The following SLC28A1 variants were observed in gnomAD, a reference collection of about 807,000 sequenced individuals.
SLC28A1 encodes the protein sodium/nucleoside cotransporter 1.
Under a neutral mutation model 74.8 loss-of-function variants are expected in SLC28A1, and 64 were observed. The observed-to-expected ratio is 0.86, with a 90% confidence interval of 0.70 to 1.05. The LOEUF is 1.05. SLC28A1 is among the 50% of genes least tolerant of loss of function. The pLI is 0.00. For missense variants in SLC28A1, 828 were observed against 822.8 expected (o/e 1.01, Z -0.08); for synonymous variants, 359 against 335.0 (o/e 1.07, Z -0.78).
intron 11 of SLC28A1, among the ~76,000 whole-genome samples, chr15:84,922,524 C>A (rs554446128): frequency 6.6e-6 from 1 of 152,166 alleles, no homozygotes; most frequent in Non-Finnish European, 1.5e-5. Flanking sequence ...TACAACCCCC[C>A]GCTGCCCGGG....
At chr15:84,955,740 C>A in the SLC28A1 span, among the ~76,000 whole-genome samples, 1 of 152,198 alleles carries the variant, frequency 6.6e-6, no homozygotes. Context: ...AGGATAGAAT[C>A]TGAAAACATA....
chr15:84,921,738 T>C (rs983077943), intron 11 of SLC28A1, among the ~76,000 whole-genome samples: 10 of 152,218 alleles, frequency 6.6e-5, no homozygotes, highest in Non-Finnish European at 1.5e-5. Context: ...GCATGTGTGT[T>C]GATTTGAAAG....
chr15:84,971,123 C>A, the SLC28A1 span, among the ~76,000 whole-genome samples: 1 of 152,194 alleles, frequency 6.6e-6, no homozygotes, highest in Non-Finnish European at 1.5e-5. Context: ...ACAGTAGCAA[C>A]CCCTATCAGG....
chr15:84,959,099 C>CAAAA, the SLC28A1 span, among the ~76,000 whole-genome samples: 3 of 47,068 alleles, frequency 6.4e-5, no homozygotes, highest in African/African-American at 2.6e-4. Flanking sequence ...GGCTTCATCT[C>CAAAA]AAAAAAAAAA....
chr15:84,938,322 T>G (rs1406777371), intron 15 of SLC28A1: 2 of 1,968 alleles, frequency 1.0e-3, no homozygotes, highest in Non-Finnish European at 8.2e-4. Context: ...TTCCTGTTCT[T>G]TTTTTTTCTT....
intron 10 of SLC28A1, 102 bp from the exon 11 acceptor site, chr15:84,920,887 C>T: frequency 1.1e-6 from 1 of 898,146 alleles, no homozygotes; most frequent in South Asian, 1.3e-5. Context: ...CTACACTGGG[C>T]TGGGAGTTGG....
At chr15:84,921,558 C>T (rs1969835393) in intron 11 of SLC28A1, among the ~76,000 whole-genome samples, 1 of 152,180 alleles carries the variant, frequency 6.6e-6, no homozygotes, top group Non-Finnish European at 1.5e-5. Flanking sequence ...GAGTCCCTTT[C>T]AGAAAGCCTG....
intron 4 of SLC28A1, among the ~76,000 whole-genome samples, chr15:84,889,628 T>TTTTTC (rs1237431956): frequency 4.0e-5 from 6 of 151,696 alleles, no homozygotes; most frequent in Non-Finnish European, 7.4e-5. Flanking sequence ...GCCATCCATG[T>TTTTTC]TTTTCTTTTC....
intron 8 of SLC28A1, among the ~76,000 whole-genome samples, chr15:84,907,567 G>A (rs531500597): frequency 6.6e-5 from 10 of 152,172 alleles, no homozygotes; most frequent in East Asian, 1.9e-4. Context: ...GTGCAGTGGC[G>A]TGATCTTAGC....
At chr15:84,897,421 CAA>C (rs972226891) in intron 6 of SLC28A1, among the ~76,000 whole-genome samples, 12 of 151,680 alleles carry the variant, frequency 7.9e-5, no homozygotes, top group Admixed American at 2.6e-4. Flanking sequence ...AACAAACAAA[CAA>C]AAATACACTT....
chr15:84,896,744 G>A (rs1355613451), intron 6 of SLC28A1, among the ~76,000 whole-genome samples: 1 of 152,124 alleles, frequency 6.6e-6, no homozygotes, highest in Non-Finnish European at 1.5e-5. Context: ...ACTGAAAAAT[G>A]GATAAAGAAA....
chr15:84,943,903 CAAA>C (rs1156848120), intron 16 of SLC28A1, among the ~76,000 whole-genome samples: 1 of 132,766 alleles, frequency 7.5e-6, no homozygotes. Context: ...GACTCTGTCT[CAAA>C]AAAAAAAAAA....
intron 15 of SLC28A1, among the ~76,000 whole-genome samples, chr15:84,937,539 G>C (rs188816132): frequency 3.3e-5 from 5 of 152,316 alleles, no homozygotes; most frequent in Non-Finnish European, 7.3e-5. Flanking sequence ...CTTTCAATGG[G>C]AAGCCCTTTC....
At chr15:84,888,888 G>T in intron 4 of SLC28A1, 28 bp downstream of exon 4, 1 of 1,505,232 alleles carries the variant, frequency 6.6e-7, no homozygotes, top group African/African-American at 1.4e-5. Flanking sequence ...AGACAAGGGC[G>T]GGCCTGGGGT....
intron 15 of SLC28A1, among the ~76,000 whole-genome samples, chr15:84,936,911 G>A (rs1237549457): frequency 6.6e-6 from 1 of 151,972 alleles, no homozygotes; most frequent in Non-Finnish European, 1.5e-5. Flanking sequence ...AAAATTGCGG[G>A]GTGCAGTGGT....
At chr15:84,913,115 T>G (rs11853372) in intron 9 of SLC28A1, among the ~76,000 whole-genome samples, 105,050 of 152,020 alleles carry the variant, frequency 0.69, 36,461 homozygotes, top group East Asian at 0.87. Flanking sequence ...CGTAGCTAGG[T>G]TACAGCCAGA....
chr15:84,965,458 G>C, the SLC28A1 span, among the ~76,000 whole-genome samples: 2 of 152,160 alleles, frequency 1.3e-5, no homozygotes, highest in African/African-American at 4.8e-5. Flanking sequence ...ATTTAGGCTG[G>C]AGACTGCTTG....
chr15:84,898,748 G>T (rs1012884211), intron 6 of SLC28A1, among the ~76,000 whole-genome samples: 3 of 152,144 alleles, frequency 2.0e-5, no homozygotes, highest in African/African-American at 7.2e-5. Context: ...GATCCTTGAG[G>T]ATTAGGAAAC....
intron 15 of SLC28A1, among the ~76,000 whole-genome samples, chr15:84,935,961 T>G (rs886725413): frequency 1.4e-5 from 2 of 140,278 alleles, no homozygotes; most frequent in East Asian, 2.0e-4. Context: ...GTTTTTTTTT[T>G]TTTTTTTTTT....
Sources: gnomAD v4.1 joint callset for allele counts (sites outside exome capture counted in the v4.1 genomes callset) on GRCh38, gnomAD v4.1.1 for gene constraint, MANE v1.5 for transcripts, NCBI Gene and HGNC (gene_info 2026-07-23, HGNC 2026-07-21) for gene names.